PTPRM: variants seen among roughly 807,000 people sequenced by gnomAD.
PTPRM encodes protein tyrosine phosphatase receptor type M, also known as receptor-type tyrosine-protein phosphatase mu.
Under a neutral mutation model 186.7 loss-of-function variants are expected in PTPRM, and 47 were observed. The ratio of observed to expected loss-of-function variants is 0.25; its 90% CI spans 0.20 to 0.32. The LOEUF (loss-of-function observed/expected upper bound fraction) is 0.32. Ranked by LOEUF, PTPRM falls within the 10% of genes least tolerant of loss-of-function variation. The pLI is 1.00. For synonymous variants in PTPRM, 668 were observed against 674.9 expected (o/e 0.99, Z 0.16); for missense variants, 1,494 against 1,865.0 (o/e 0.80, Z 3.66).
At chr18:7,579,909 A>T (rs1157514462) in intron 1 of PTPRM, among the ~76,000 whole-genome samples, 1 of 152,230 alleles carries the variant, frequency 6.6e-6, no homozygotes. Context: ...CAGTAGTTTT[A>T]AAAAGTCTCA....
At chr18:8,059,009 A>G (rs1449710095) in intron 7 of PTPRM, among the ~76,000 whole-genome samples, 19 of 117,450 alleles carry the variant, frequency 1.6e-4, no homozygotes, top group African/African-American at 6.7e-4. Flanking sequence ...TGGTAGCTTG[A>G]TGGGGATGGC....
At chr18:8,398,004 A>G (rs78456018) in intron 32 of PTPRM, among the ~76,000 whole-genome samples, 1,874 of 152,268 alleles carry the variant, frequency 0.012, 41 homozygotes, top group African/African-American at 0.042. Flanking sequence ...TCTGCAGGTA[A>G]TTACACACTT....
intron 13 of PTPRM, among the ~76,000 whole-genome samples, chr18:8,123,090 C>A (rs1600691708): frequency 6.6e-6 from 1 of 152,140 alleles, no homozygotes; most frequent in African/African-American, 2.4e-5. Context: ...GGAAAAGAGT[C>A]CAGTAAATTA....
At chr18:8,076,037 C>T (rs1338958833) in intron 8 of PTPRM, among the ~76,000 whole-genome samples, 3 of 152,024 alleles carry the variant, frequency 2.0e-5, no homozygotes, top group African/African-American at 7.2e-5. Context: ...AGGGAATATA[C>T]CTGCACGTGG....
At chr18:8,344,446 G>GTATATATATATATATATATA (rs1412437272) in intron 23 of PTPRM, among the ~76,000 whole-genome samples, 123 of 16,550 alleles carry the variant, frequency 7.4e-3, no homozygotes, top group South Asian at 0.012. Context: ...GTGTGTGTGT[G>GTATATATATATATATATATA]TGTATATATA....
intron 2 of PTPRM, among the ~76,000 whole-genome samples, chr18:7,850,565 T>C (rs2046812107): frequency 6.6e-6 from 1 of 152,154 alleles, no homozygotes; most frequent in Non-Finnish European, 1.5e-5. Flanking sequence ...CATATTTTGC[T>C]AAGGAGGAGG....
intron 2 of PTPRM, among the ~76,000 whole-genome samples, chr18:7,853,154 A>C (rs144759470): frequency 6.6e-6 from 1 of 152,364 alleles, no homozygotes; most frequent in African/African-American, 2.4e-5. Context: ...AAGAACAGAT[A>C]ATGTTCTAAT....
intron 13 of PTPRM, among the ~76,000 whole-genome samples, chr18:8,138,042 C>A (rs2092678647): frequency 6.6e-6 from 1 of 152,188 alleles, no homozygotes; most frequent in Admixed American, 6.5e-5. Flanking sequence ...TGGAAGCCAA[C>A]ATGAGCCACA....
At position 8,230,210 on chromosome 18, in the gene PTPRM, A is replaced by T. The variant is rs572470026; in HGVS notation, c.2301-13848A>T. ...AAAGATAAAAACCCTGACTTGTCTT[A>T]AAAAAAACTGTTTTTTTGTGATAAA... On this transcript the variant is annotated intron_variant, in intron 14 of 32. Coordinates refer to ENST00000580170, the MANE Select transcript of PTPRM (RefSeq NM_001105244.2). 1.2e-4 allele frequency among the ~76,000 whole-genome samples: 18 copies of T among 152,084 alleles called. No homozygotes were observed. The East Asian group carries it at 3.1e-3, about 26-fold the overall frequency.
chr18:8,394,138 G>A (rs151150488), intron 31 of PTPRM, among the ~76,000 whole-genome samples: 23 of 152,198 alleles, frequency 1.5e-4, no homozygotes, highest in East Asian at 7.7e-4. Context: ...AACGTAACCC[G>A]TACTTGTCAC....
intron 1 of PTPRM, among the ~76,000 whole-genome samples, chr18:7,650,578 A>G (rs1369046096): frequency 6.6e-6 from 1 of 152,032 alleles, no homozygotes; most frequent in East Asian, 1.9e-4. Flanking sequence ...GAAGCACGTA[A>G]CAGTATTTTT....
At chr18:7,784,677 C>A (rs1313686801) in intron 2 of PTPRM, among the ~76,000 whole-genome samples, 1 of 152,206 alleles carries the variant, frequency 6.6e-6, no homozygotes, top group East Asian at 1.9e-4. Flanking sequence ...GCCCAAATTG[C>A]AGCTCTTTTC....
At chr18:8,052,932 T>C (rs2087617295) in intron 7 of PTPRM, among the ~76,000 whole-genome samples, 1 of 152,232 alleles carries the variant, frequency 6.6e-6, no homozygotes, top group Non-Finnish European at 1.5e-5. Context: ...AGATTAGTAT[T>C]AAGCTTGAGC....
intron 1 of PTPRM, among the ~76,000 whole-genome samples, chr18:7,744,882 C>A (rs2040953433): frequency 6.6e-6 from 1 of 152,142 alleles, no homozygotes; most frequent in African/African-American, 2.4e-5. Context: ...AGTTGAGAGA[C>A]CATCCAGGGG....
chr18:8,334,717 A>G (rs773826570), intron 22 of PTPRM, among the ~76,000 whole-genome samples: 3 of 152,204 alleles, frequency 2.0e-5, no homozygotes, highest in Non-Finnish European at 4.4e-5. Context: ...CACATTCAAC[A>G]TATTCCTGTT....
At chr18:7,972,705 T>A (rs1192795070) in intron 7 of PTPRM, among the ~76,000 whole-genome samples, 1 of 152,100 alleles carries the variant, frequency 6.6e-6, no homozygotes, top group African/African-American at 2.4e-5. Context: ...AATGTTTATA[T>A]CTTGTTAATG....
At chr18:7,720,974 T>A (rs2040434935) in intron 1 of PTPRM, among the ~76,000 whole-genome samples, 1 of 152,160 alleles carries the variant, frequency 6.6e-6, no homozygotes, top group Non-Finnish European at 1.5e-5. Flanking sequence ...CTTTGAATTC[T>A]TTTTGATATA....
intron 1 of PTPRM, among the ~76,000 whole-genome samples, chr18:7,583,571 G>C (rs1334779728): frequency 6.6e-6 from 1 of 152,222 alleles, no homozygotes; most frequent in East Asian, 1.9e-4. Context: ...CAGAAGTGCA[G>C]TGTACTTACT....
At chr18:8,168,229 T>A (rs2093350816) in intron 14 of PTPRM, among the ~76,000 whole-genome samples, 1 of 152,210 alleles carries the variant, frequency 6.6e-6, no homozygotes, top group Non-Finnish European at 1.5e-5. Flanking sequence ...TACATAAATT[T>A]GACAAGGACG....
Sources: allele counts gnomAD v4.1 joint callset (sites outside exome capture counted in the v4.1 genomes callset), GRCh38; gene constraint gnomAD v4.1.1; transcripts MANE v1.5; gene names NCBI Gene and HGNC (gene_info 2026-07-23, HGNC 2026-07-21).